Variants in GALNT2 observed in about 807,000 individuals in gnomAD.
The protein encoded by GALNT2 is UDP-GalNAc:polypeptide N-acetylgalactosaminyltransferase 2.
Under a neutral mutation model 81.4 loss-of-function variants are expected in GALNT2, and 31 were observed. The ratio of observed to expected loss-of-function variants is 0.38; its 90% CI spans 0.29 to 0.51. The LOEUF (loss-of-function observed/expected upper bound fraction) is 0.51, where lower values mean the gene tolerates loss of function less well. GALNT2 is among the 20% of genes least tolerant of loss of function. The pLI is 0.87. For synonymous variants in GALNT2, 303 were observed against 287.4 expected, an observed-to-expected ratio of 1.05 and a Z score of -0.55; for missense variants, 629 against 765.7, an observed-to-expected ratio of 0.82 and a Z score of 2.11.
In GALNT2 at chr1:230,275,731, A is replaced by G. The variant is rs1666283787; in HGVS notation, c.1560+1167A>G. The stretch of plus-strand genomic sequence containing the variant: ...CACACCACATATACACACCACATAT[A>G]TATATACAAACACCACATATATATA... On this transcript the variant is annotated intron_variant, in intron 15 of 15. Transcript: ENST00000366672. The surrounding 1 kb of genome is among the most constrained non-coding windows in gnomAD (Gnocchi z 5.5). 6.6e-6 allele frequency among the ~76,000 whole-genome samples: 1 copy of G among 151,378 alleles called. No homozygotes were observed. The highest frequency in any genetic ancestry group is 2.1e-4 in the South Asian group (1 of 4,818).
intron 9 of GALNT2, 146 bp from the exon 10 acceptor site, chr1:230,250,311 C>T: frequency 1.5e-6 from 1 of 676,036 alleles, no homozygotes; most frequent in Non-Finnish European, 2.7e-6. Context: ...ATGCTGGGCA[C>T]TGAGCAGAAA....
At chr1:230,239,420 G>A (rs764866625) in intron 6 of GALNT2, among the ~76,000 whole-genome samples, 1 of 152,168 alleles carries the variant, frequency 6.6e-6, no homozygotes, top group Non-Finnish European at 1.5e-5. Context: ...CCTCAAAAGT[G>A]GGGAAGCTGA....
chr1:230,188,520 A>G (rs1247275297), intron 2 of GALNT2, among the ~76,000 whole-genome samples: 1 of 152,202 alleles, frequency 6.6e-6, no homozygotes, highest in Admixed American at 6.5e-5. Flanking sequence ...TAAAATTTAG[A>G]TACATTCTTG....
intron 2 of GALNT2, among the ~76,000 whole-genome samples, chr1:230,186,786 C>G (rs114299964): frequency 1.3e-5 from 2 of 152,170 alleles, no homozygotes; most frequent in African/African-American, 2.4e-5. Flanking sequence ...TGATTTGCCT[C>G]TCTTTTGAGT....
At chr1:230,145,068 G>C (rs1360772567) in intron 1 of GALNT2, among the ~76,000 whole-genome samples, 1 of 152,144 alleles carries the variant, frequency 6.6e-6, no homozygotes, top group Non-Finnish European at 1.5e-5. Context: ...CTCCAGAGCT[G>C]CGTCATCTGT....
upstream of GALNT2, among the ~76,000 whole-genome samples, chr1:230,063,424 A>T (rs997013595): frequency 6.6e-6 from 1 of 152,104 alleles, no homozygotes; most frequent in African/African-American, 2.4e-5. Context: ...CTGGAGGTAC[A>T]TTACAGTTTG....
rs548089606 is a variant in GALNT2 at position 230,126,780 on chromosome 1, C to T, written c.127-51438C>T. Among the ~76,000 whole-genome samples, 9 of 152,236 alleles carry T rather than the reference C, an allele frequency of 5.9e-5. No individual in the cohort carries two copies. In the South Asian group the frequency reaches 1.9e-3, roughly 32 times the overall value. On this transcript the variant is annotated intron_variant, in intron 1 of 15. Transcript: ENST00000366672. ...TTTTGGTGGGTAAGAGTGTTCCAGC[C>T]CGTATAACCCCACGTGCACACTTTG...
At chr1:230,064,938 A>G (rs543374461), upstream of GALNT2, among the ~76,000 whole-genome samples, 394 of 152,380 alleles carry the variant, frequency 2.6e-3, 1 homozygote, top group African/African-American at 9.1e-3. Context: ...TTTGCCTTTA[A>G]AATCTAATCG....
intron 1 of GALNT2, among the ~76,000 whole-genome samples, chr1:230,164,593 G>A (rs963670367): frequency 1.3e-5 from 2 of 151,764 alleles, no homozygotes; most frequent in African/African-American, 4.8e-5. Flanking sequence ...GAGTCCAGTG[G>A]TGCGATCTCG....
intron 1 of GALNT2, among the ~76,000 whole-genome samples, chr1:230,109,907 T>C (rs537589332): frequency 4.7e-4 from 72 of 152,332 alleles, no homozygotes; most frequent in Admixed American, 4.2e-3. Context: ...ACAAGCTCAT[T>C]TTATGCATTT....
At chr1:230,059,388 AG>A (rs1658991462) in intron 1 of GALNT2, among the ~76,000 whole-genome samples, 1 of 152,250 alleles carries the variant, frequency 6.6e-6, no homozygotes, top group Non-Finnish European at 1.5e-5. Context: ...GGCTGACAAA[AG>A]GCAAGTCAAT....
At chr1:230,267,125 CTTCT>C (rs772377599) in intron 14 of GALNT2, among the ~76,000 whole-genome samples, 6 of 152,246 alleles carry the variant, frequency 3.9e-5, no homozygotes, top group Non-Finnish European at 8.8e-5. Flanking sequence ...TCATGTGCTG[CTTCT>C]TTCTTCTTTT....
chr1:230,155,282 G>C (rs1337847756), intron 1 of GALNT2, among the ~76,000 whole-genome samples: 1 of 152,168 alleles, frequency 6.6e-6, no homozygotes, highest in South Asian at 2.1e-4. Context: ...TGCCCGCCCT[G>C]TTCTTCGTTG....
rs72648059 is a variant in GALNT2, at chr1:230,084,922, G to A, written c.126+17516G>A. 1.2e-3 allele frequency among the ~76,000 whole-genome samples: 182 copies of A among 152,228 alleles called. 2 individuals carry two copies. The highest frequency in any genetic ancestry group is 3.7e-4 in the Non-Finnish European group (25 of 68,020). ...GGGAGACAAGAATGTCTGCTTTTTC[G>A]TCCAGACATGCTGCCTTGCTCTTGC... On this transcript the variant is annotated intron_variant, in intron 1 of 15. Transcript: ENST00000366672.
Position 230,167,796 on chromosome 1 carries a change from C to T in GALNT2, c.127-10422C>T, listed in dbSNP as rs80273872. Among the ~76,000 whole-genome samples the T allele has an allele frequency of 3.1e-4, 47 of 152,338 alleles. No individual in the cohort carries two copies. In the East Asian group the frequency reaches 8.9e-3, roughly 29 times the overall value. Reference sequence around the variant, plus strand: ...CTGCCTCCTGCTGGCCTCCCTGCGGCTGCTCCACTGTGGCCCTTGGGCCCC... The same window carrying T: ...CTGCCTCCTGCTGGCCTCCCTGCGGTTGCTCCACTGTGGCCCTTGGGCCCC... On this transcript the variant is annotated intron_variant, in intron 1 of 15. Transcript: ENST00000366672.
chr1:230,087,531 C>T (rs1371609973), intron 1 of GALNT2, among the ~76,000 whole-genome samples: 2 of 152,188 alleles, frequency 1.3e-5, no homozygotes, highest in Non-Finnish European at 2.9e-5. Context: ...TTAGGAACAC[C>T]TGGGGAAAAC....
Position 230,236,089 on chromosome 1 carries a change from G to T in GALNT2, c.450G>T (p.Ser150=), listed in dbSNP as rs138909324. ...VVITFHNEAR[S]ALLRTVVSVL... ...TCACGTTTCACAATGAAGCCAGGTC[G>T]GCCCTACTCAGGACCGTGGTCAGGT... Residue 150 remains serine (S), a synonymous_variant, in exon 4 of 16, where the codon TCG becomes TCT. Coordinates refer to ENST00000366672, the MANE Select transcript of GALNT2 (RefSeq NM_004481.5). 6 of 1,613,900 alleles carry T rather than the reference G, an allele frequency of 3.7e-6. No homozygotes were observed. The highest frequency in any genetic ancestry group is 5.1e-6 in the Non-Finnish European group (6 of 1,180,022).
intron 1 of GALNT2, among the ~76,000 whole-genome samples, chr1:230,160,275 T>C (rs1662389672): frequency 1.3e-5 from 2 of 152,128 alleles, no homozygotes; most frequent in Admixed American, 1.3e-4. Context: ...TCTACAGAAA[T>C]CCTTTGTGCT....
chr1:230,274,868 T>C (rs61823322), intron 15 of GALNT2, among the ~76,000 whole-genome samples: 5,836 of 152,180 alleles, frequency 0.038, 146 homozygotes, highest in Middle Eastern at 0.065. Flanking sequence ...AAATTCTAAA[T>C]GATTAATGTT....
Sources: gnomAD v4.1 joint callset for allele counts (sites outside exome capture counted in the v4.1 genomes callset) on GRCh38, gnomAD v4.1.1 for gene constraint, Gnocchi (gnomAD v3.1) non-coding constraint, MANE v1.5 for transcripts, NCBI Gene and HGNC (gene_info 2026-07-23, HGNC 2026-07-21) for gene names.